Variants in NR3C1 observed in about 807,000 individuals in gnomAD.
The protein encoded by NR3C1 is glucocorticoid receptor.
Under a neutral mutation model 74.0 loss-of-function variants are expected in NR3C1, and 14 were observed. The observed-to-expected ratio is 0.19, with a 90% CI of 0.12 to 0.30. The LOEUF is 0.30. Among genes scored for constraint, NR3C1 ranks in the 10% least tolerant of loss-of-function variants. The pLI is 1.00. For missense variants in NR3C1, 695 were observed against 909.8 expected (o/e 0.76, Z 3.04); for synonymous variants, 308 against 332.5 (o/e 0.93, Z 0.80).
intron 2 of NR3C1, among the ~76,000 whole-genome samples, chr5:143,367,228 A>G (rs749389074): frequency 2.6e-5 from 4 of 152,176 alleles, no homozygotes; most frequent in Non-Finnish European, 5.9e-5. Flanking sequence ...AAACAATCAA[A>G]AAGAAAACAC....
chr5:143,408,589 G>T (rs956624200), upstream of NR3C1, among the ~76,000 whole-genome samples: 1 of 151,746 alleles, frequency 6.6e-6, no homozygotes, highest in African/African-American at 2.4e-5. Flanking sequence ...TCGGCCATGG[G>T]ACCCAAGTCT....
Position 143,281,849 on chromosome 5 carries a change from A to T in NR3C1, c.*40T>A, listed in dbSNP as rs776231769. 6.3e-7 allele frequency: 1 copy of T among 1,584,078 alleles called. No individual in the cohort carries two copies. The highest frequency in any genetic ancestry group is 1.3e-5 in the African/African-American group (1 of 74,202). ...GATAGTTTATACAATAAAAGCTATT[A>T]ATTCGACTTTCTTTAAGGCAACCAT... is the stretch of plus-strand genomic sequence containing the variant. On this transcript the variant is annotated 3_prime_UTR_variant, in exon 9 of 9. Coordinates refer to ENST00000394464, the MANE Select transcript of NR3C1 (RefSeq NM_000176.3).
intron 2 of NR3C1, among the ~76,000 whole-genome samples, chr5:143,330,282 AC>A (rs1400092624): frequency 6.6e-6 from 1 of 152,250 alleles, no homozygotes; most frequent in Non-Finnish European, 1.5e-5. Flanking sequence ...TTTCAAGGGC[AC>A]ACTTAGCACT....
At chr5:143,311,417 C>T (rs567821738) in intron 3 of NR3C1, among the ~76,000 whole-genome samples, 8 of 152,254 alleles carry the variant, frequency 5.3e-5, no homozygotes, top group African/African-American at 1.9e-4. Flanking sequence ...TTCTTTATCC[C>T]AGGTATGTCT....
At chr5:143,336,672 A>T (rs1827178449) in intron 2 of NR3C1, among the ~76,000 whole-genome samples, 1 of 152,132 alleles carries the variant, frequency 6.6e-6, no homozygotes, top group African/African-American at 2.4e-5. Context: ...GATAAAAAAT[A>T]TTTTTAAAAA....
chr5:143,301,652 T>C (rs1401722271), intron 4 of NR3C1, among the ~76,000 whole-genome samples: 2 of 152,124 alleles, frequency 1.3e-5, no homozygotes, highest in Non-Finnish European at 2.9e-5. Context: ...AAGAATTACA[T>C]TGTTCTCTCA....
At chr5:143,341,924 A>C (rs1207579285) in intron 2 of NR3C1, among the ~76,000 whole-genome samples, 2 of 152,180 alleles carry the variant, frequency 1.3e-5, no homozygotes, top group Non-Finnish European at 2.9e-5. Flanking sequence ...GAGGAGGGGC[A>C]AAATGAATGT....
rs1840024689 is a variant in NR3C1, at chr5:143,400,305, C to T, written c.535G>A (p.Gly179Ser). ...HLKGQTGTNG[G>S]NVKLYTTDQS... ...TCTGTGGTATACAATTTCACATTGC[C>T]ACCGTTGGTGCCAGTCTGGCCCTTC... The change falls in exon 2 of 9, where the codon GGC (glycine) becomes AGC (serine). Residue 179 changes from glycine to serine, a missense_variant. By Grantham distance (56) the Gly-to-Ser change is moderately conservative (BLOSUM62 0). Transcript: ENST00000394464. 1 of 1,609,280 alleles carries T rather than the reference C, an allele frequency of 6.2e-7. No homozygotes were observed.
intron 2 of NR3C1, among the ~76,000 whole-genome samples, chr5:143,355,067 G>A (rs373027733): frequency 6.6e-6 from 1 of 152,154 alleles, no homozygotes; most frequent in South Asian, 2.1e-4. Flanking sequence ...TTGGAAAAAT[G>A]GCACTGACAG....
intron 1 of NR3C1, among the ~76,000 whole-genome samples, chr5:143,417,255 G>T (rs1036378102): frequency 5.3e-5 from 8 of 152,088 alleles, no homozygotes; most frequent in African/African-American, 1.4e-4. Flanking sequence ...GTTCCATTAA[G>T]ATGAAAAATC....
At chr5:143,366,798 A>C (rs142428505) in intron 2 of NR3C1, among the ~76,000 whole-genome samples, 13 of 152,334 alleles carry the variant, frequency 8.5e-5, no homozygotes, top group Middle Eastern at 3.4e-3. Flanking sequence ...ACAAGTAAAG[A>C]CATTAAGTTA....
chr5:143,317,653 C>A (rs1822444899), intron 2 of NR3C1, among the ~76,000 whole-genome samples: 1 of 152,074 alleles, frequency 6.6e-6, no homozygotes, highest in African/African-American at 2.4e-5. Context: ...CTAGATATGT[C>A]TACTTAGTTT....
At position 143,282,530 on chromosome 5, in the gene NR3C1, A is replaced by C. The variant is rs779481252; in HGVS notation, c.2181+38T>G. 15 of 1,612,622 alleles carry C rather than the reference A, an allele frequency of 9.3e-6. No homozygotes were observed. In the South Asian group the frequency reaches 1.6e-4, roughly 18 times the overall value. On this transcript the variant is annotated intron_variant, in intron 8 of 8. Transcript: ENST00000394464. ...CACTAATCAAAACATACTTTGTCCC[A>C]GAAAACTCTTATATTTGGCTTTATG...
intron 2 of NR3C1, among the ~76,000 whole-genome samples, chr5:143,359,713 T>A (rs1211875923): frequency 1.3e-5 from 2 of 151,748 alleles, no homozygotes; most frequent in African/African-American, 2.4e-5. Flanking sequence ...AGGCCAGGAG[T>A]TCGAGACCAG....
At chr5:143,434,590 C>T in exon 1 of NR3C1, 14 of 985,450 alleles carry the variant, frequency 1.4e-5, no homozygotes, top group Non-Finnish European at 1.7e-5. Flanking sequence ...GGAAAGGAGC[C>T]AGGCAGATGA....
chr5:143,394,646 T>C (rs963279154), intron 2 of NR3C1, among the ~76,000 whole-genome samples: 2 of 151,990 alleles, frequency 1.3e-5, no homozygotes, highest in South Asian at 2.1e-4. Flanking sequence ...AAAATGTGCA[T>C]TTTATCCTTT....
chr5:143,410,542 G>A (rs1297072486), intron 1 of NR3C1, among the ~76,000 whole-genome samples: 1 of 152,098 alleles, frequency 6.6e-6, no homozygotes, highest in Non-Finnish European at 1.5e-5. Context: ...ACAAGACCTG[G>A]TTTTTAGACC....
intron 2 of NR3C1, among the ~76,000 whole-genome samples, chr5:143,386,079 G>C (rs1209043388): frequency 2.0e-5 from 3 of 152,192 alleles, no homozygotes; most frequent in Non-Finnish European, 4.4e-5. Flanking sequence ...GGAAGGCAAA[G>C]AAACCATGTT....
At chr5:143,375,846 C>A (rs1285765233) in intron 2 of NR3C1, 2 of 152,082 alleles carry the variant, frequency 1.3e-5, no homozygotes, top group East Asian at 1.9e-4. Context: ...AGGGGAAAAT[C>A]TTTATTTCAA....
Sources: gnomAD v4.1 joint callset for allele counts (sites outside exome capture counted in the v4.1 genomes callset) on GRCh38, gnomAD v4.1.1 for gene constraint, MANE v1.5 for transcripts, NCBI Gene and HGNC (gene_info 2026-07-23, HGNC 2026-07-21) for gene names.